Variants in FOXN3 observed in about 807,000 individuals in gnomAD.
FOXN3 encodes the protein forkhead box protein N3.
A neutral mutation model predicts 38.4 loss-of-function variants in FOXN3; 7 were observed. The observed-to-expected ratio is 0.18, with a 90% CI of 0.10 to 0.34. The LOEUF (loss-of-function observed/expected upper bound fraction) is 0.34, where lower values mean the gene tolerates loss of function less well. Ranked by LOEUF, FOXN3 falls within the 10% of genes least tolerant of loss-of-function variation. The pLI is 1.00. For synonymous variants in FOXN3, 230 were observed against 242.2 expected, an observed-to-expected ratio of 0.95 and a Z score of 0.47; for missense variants, 456 against 613.4, an observed-to-expected ratio of 0.74 and a Z score of 2.71.
At chr14:89,462,222 C>T (rs1892862472) in intron 1 of FOXN3, among the ~76,000 whole-genome samples, 1 of 152,210 alleles carries the variant, frequency 6.6e-6, no homozygotes, top group South Asian at 2.1e-4. Flanking sequence ...ATTTCTCCTC[C>T]TCTTCCTTAG....
intron 3 of FOXN3, among the ~76,000 whole-genome samples, chr14:89,347,226 C>T (rs1277944729): frequency 7.2e-5 from 11 of 152,076 alleles, no homozygotes; most frequent in Non-Finnish European, 1.2e-4. Flanking sequence ...TGAATTATTA[C>T]GGGAGAAAGA....
Position 89,484,661 on chromosome 14 carries a change from G to A in FOXN3, c.-14-72171C>T, listed in dbSNP as rs1330681404. 6.6e-6 allele frequency among the ~76,000 whole-genome samples: 1 copy of A among 152,164 alleles called. No individual in the cohort carries two copies. Among genetic ancestry groups the A allele is most frequent in the Non-Finnish European group, 1.5e-5 (1 of 68,028 alleles). ...CTATTAGGCAATTTCTGCAGTGGGA[G>A]GAGAACACAAATACTGCTATTCTAG... On this transcript the variant is annotated intron_variant, in intron 1 of 6. Coordinates refer to the FOXN3 transcript ENST00000345097. This position sits in a 1 kb window ranked among gnomAD's most constrained non-coding sequence, Gnocchi z 4.0.
chr14:89,496,906 A>G (rs1355626522), intron 1 of FOXN3, among the ~76,000 whole-genome samples: 2 of 152,114 alleles, frequency 1.3e-5, no homozygotes, highest in African/African-American at 4.8e-5. Context: ...GGCTTATTTC[A>G]CTCAGTGTAA....
intron 2 of FOXN3, among the ~76,000 whole-genome samples, chr14:89,403,079 C>T (rs1031831905): frequency 3.9e-5 from 6 of 152,186 alleles, no homozygotes; most frequent in African/African-American, 1.2e-4. Context: ...TCACACTGAT[C>T]GGCACACTTC....
chr14:89,511,154 TTTCTTTCTTTCTTTC>T (rs1894055279), intron 1 of FOXN3, among the ~76,000 whole-genome samples: 1 of 21,290 alleles, frequency 4.7e-5, no homozygotes, highest in African/African-American at 7.5e-5. Flanking sequence ...TCTTTCTTTC[TTTCTTTCTTTCTTTC>T]TTTCTTTCTT....
chr14:89,492,987 C>T (rs1893612995), intron 1 of FOXN3, among the ~76,000 whole-genome samples: 1 of 152,148 alleles, frequency 6.6e-6, no homozygotes, highest in Non-Finnish European at 1.5e-5. Flanking sequence ...CTCTTAACAT[C>T]TGATCAAATA....
chr14:89,360,740 C>CACT (rs1237809125), intron 2 of FOXN3, among the ~76,000 whole-genome samples: 3 of 119,620 alleles, frequency 2.5e-5, no homozygotes, highest in East Asian at 5.8e-4. Flanking sequence ...CCACCTCCAG[C>CACT]ACCACCTCCA....
chr14:89,214,541 A>C (rs941044364), intron 4 of FOXN3, among the ~76,000 whole-genome samples: 10 of 152,246 alleles, frequency 6.6e-5, no homozygotes, highest in Admixed American at 2.6e-4. Context: ...AGAAGGAAGC[A>C]AACAGCAGCT....
intron 2 of FOXN3, among the ~76,000 whole-genome samples, chr14:89,410,610 T>A (rs906626490): frequency 6.6e-6 from 1 of 152,236 alleles, no homozygotes; most frequent in Admixed American, 6.5e-5. Flanking sequence ...TGGTGGCTCA[T>A]GCCTGTAATC....
chr14:89,330,137 G>A lies in FOXN3; in HGVS notation c.680+20535C>T, dbSNP rs146191562. Among the ~76,000 whole-genome samples, 840 of 152,268 alleles carry A rather than the reference G, an allele frequency of 5.5e-3. 9 individuals are homozygous for A. The highest frequency in any genetic ancestry group is 0.02 in the African/African-American group (818 of 41,558). On this transcript the variant is annotated intron_variant, in intron 3 of 5. Coordinates refer to ENST00000557258, the MANE Select transcript of FOXN3 (RefSeq NM_005197.4). ...CATCCTCCAGGTTTCCTTTAATGCT[G>A]CTGCTGACTTGAGGGCTGCAGAGAT...
At chr14:89,547,507 A>G (rs1004794783) in intron 1 of FOXN3, among the ~76,000 whole-genome samples, 8 of 152,022 alleles carry the variant, frequency 5.3e-5, no homozygotes, top group African/African-American at 1.9e-4. Context: ...CATGTTGGCC[A>G]GGCTCGTCTC....
intron 3 of FOXN3, among the ~76,000 whole-genome samples, chr14:89,300,382 A>G (rs1175525444): frequency 6.6e-6 from 1 of 152,122 alleles, no homozygotes; most frequent in Non-Finnish European, 1.5e-5. Flanking sequence ...GGGTTTCACT[A>G]TGTTGGCCAG....
chr14:89,292,996 CGG>C (rs1886922837), intron 3 of FOXN3, among the ~76,000 whole-genome samples: 2 of 152,198 alleles, frequency 1.3e-5, no homozygotes, highest in South Asian at 4.1e-4. Context: ...CTCTTCTTGC[CGG>C]ACAGTCGGCT....
intron 1 of FOXN3, among the ~76,000 whole-genome samples, chr14:89,423,504 CAAAT>C (rs1891959940): frequency 6.6e-6 from 1 of 151,908 alleles, no homozygotes; most frequent in Non-Finnish European, 1.5e-5. Flanking sequence ...AATTTAAAAA[CAAAT>C]GAAATATTGG....
intron 1 of FOXN3, among the ~76,000 whole-genome samples, chr14:89,510,150 T>C (rs1894027127): frequency 6.6e-6 from 1 of 152,074 alleles, no homozygotes; most frequent in Admixed American, 6.6e-5. Context: ...GGAAGGAGAA[T>C]TCCTCCATGA....
chr14:89,569,726 A>G (rs1895451295), intron 1 of FOXN3, among the ~76,000 whole-genome samples: 1 of 152,188 alleles, frequency 6.6e-6, no homozygotes, highest in South Asian at 2.1e-4. Context: ...GACCAGAGTG[A>G]GAGGAGTCAT....
rs1183472773 is a variant in FOXN3 at position 89,161,815 on chromosome 14, C to T, written c.*599G>A. On this transcript the variant is annotated 3_prime_UTR_variant, in exon 6 of 6. Transcript: ENST00000557258. ...GAAGCATCGAGGACTGGTGGCCGGC[C>T]CTCTGTGCTCGCCGTGTGACAATTC... The T allele has an allele frequency of 6.6e-6, 1 of 152,222 alleles. No homozygotes were observed. Among genetic ancestry groups the T allele is most frequent in the African/African-American group, 2.4e-5 (1 of 41,400 alleles). The allele number at this position is 152,222 out of a possible 1,614,324, so 9.4% of individuals were successfully genotyped here.
At position 89,399,519 on chromosome 14, in the gene FOXN3, C is replaced by T. The variant is rs574587720; in HGVS notation, c.543+12415G>A. On this transcript the variant is annotated intron_variant, in intron 2 of 5. Coordinates refer to ENST00000557258, the MANE Select transcript of FOXN3 (RefSeq NM_005197.4). Reference sequence around the variant, plus strand: ...GCTGTTATGTTTTTGGGACAAGTACCCTTTTACTTAAGCCAACTCGAGTGA... The same window carrying T: ...GCTGTTATGTTTTTGGGACAAGTACTCTTTTACTTAAGCCAACTCGAGTGA... Among the ~76,000 whole-genome samples, 3 of 152,280 alleles carry T rather than the reference C, an allele frequency of 2.0e-5. No individual in the cohort carries two copies. The South Asian group carries it at 6.2e-4, about 32-fold the overall frequency.
intron 4 of FOXN3, among the ~76,000 whole-genome samples, chr14:89,199,538 CAA>C (rs1888182308): frequency 6.6e-6 from 1 of 151,954 alleles, no homozygotes; most frequent in Admixed American, 6.5e-5. Flanking sequence ...TTTGTTGGAA[CAA>C]AAGATGATCT....
Sources: allele counts gnomAD v4.1 joint callset (sites outside exome capture counted in the v4.1 genomes callset), GRCh38; gene constraint gnomAD v4.1.1; non-coding constraint Gnocchi (gnomAD v3.1); transcripts MANE v1.5; gene names NCBI Gene and HGNC (gene_info 2026-07-23, HGNC 2026-07-21).